Variants in PLEKHG7 observed in about 807,000 individuals in gnomAD.
The protein encoded by PLEKHG7 is pleckstrin homology domain-containing family G member 7.
PLEKHG7 carries 77 observed loss-of-function variants against 85.2 expected under a neutral mutation model. The ratio of observed to expected loss-of-function variants is 0.90; its 90% CI spans 0.75 to 1.09. PLEKHG7 has a LOEUF of 1.09. PLEKHG7 is among the 50% of genes least tolerant of loss of function. PLEKHG7 has a pLI of 0.00. For missense variants in PLEKHG7, 777 were observed against 804.3 expected (o/e 0.97, Z 0.41); for synonymous variants, 301 against 302.4 (o/e 1.00, Z 0.05).
chr12:92,754,894 AT>A (rs552027659), intron 11 of PLEKHG7, among the ~76,000 whole-genome samples: 3 of 152,274 alleles, frequency 2.0e-5, no homozygotes, highest in East Asian at 3.9e-4. Flanking sequence ...GCTATACATA[AT>A]TTTTTTCTTT....
chr12:92,741,791 C>G (rs1469747367), intron 9 of PLEKHG7, among the ~76,000 whole-genome samples, 199 bp downstream of exon 9: 1 of 152,222 alleles, frequency 6.6e-6, no homozygotes, highest in Non-Finnish European at 1.5e-5. Context: ...GCCACATCTC[C>G]TGTGTGGGTT....
In PLEKHG7 at chr12:92,744,182, G is replaced by A. The variant is rs186949254; in HGVS notation, c.1138-1296G>A. ...GACTGGGTCTGCTTTCTCTACTCAC[G>A]AGTAAGTGTGTTTTCCTTCTCCAAT... On this transcript the variant is annotated intron_variant, in intron 9 of 16. Transcript: ENST00000344636. Among the ~76,000 whole-genome samples, 54 of 152,238 alleles carry A rather than the reference G, an allele frequency of 3.5e-4. 1 individual carries two copies. The East Asian group carries it at 7.1e-3, about 20-fold the overall frequency.
intron 9 of PLEKHG7, among the ~76,000 whole-genome samples, chr12:92,743,636 G>A (rs926871433): frequency 5.3e-5 from 8 of 152,070 alleles, no homozygotes; most frequent in Admixed American, 4.6e-4. Flanking sequence ...CTCAGCTCAT[G>A]GCAACTTCTG....
chr12:92,704,821 T>G (rs1280669116), intron 1 of PLEKHG7, among the ~76,000 whole-genome samples: 2 of 152,160 alleles, frequency 1.3e-5, no homozygotes, highest in Non-Finnish European at 2.9e-5. Context: ...CAAGGGATCC[T>G]CCCGCCTTTG....
At chr12:92,707,569 T>C in intron 2 of PLEKHG7, 81 bp from the exon 3 acceptor site, 1 of 1,563,528 alleles carries the variant, frequency 6.4e-7, no homozygotes. Context: ...GGCTCATTGT[T>C]TCTCCTTTCA....
At chr12:92,747,835 C>A (rs1402883325) in intron 10 of PLEKHG7, among the ~76,000 whole-genome samples, 1 of 152,062 alleles carries the variant, frequency 6.6e-6, no homozygotes, top group East Asian at 1.9e-4. Context: ...TATGTGGGAG[C>A]TAAAAAAGTT....
intron 4 of PLEKHG7, among the ~76,000 whole-genome samples, chr12:92,730,822 G>C (rs1427439101): frequency 6.6e-6 from 1 of 152,172 alleles, no homozygotes; most frequent in East Asian, 1.9e-4. Flanking sequence ...CATCTCACTA[G>C]CTGTTATTTT....
chr12:92,726,400 T>G (rs1260728547), intron 3 of PLEKHG7, among the ~76,000 whole-genome samples: 1 of 152,202 alleles, frequency 6.6e-6, no homozygotes, highest in Admixed American at 6.5e-5. Context: ...ATGCTTTTGT[T>G]GGTAAATCAA....
At chr12:92,762,400 G>A (rs1873062396) in intron 14 of PLEKHG7, among the ~76,000 whole-genome samples, 1 of 152,186 alleles carries the variant, frequency 6.6e-6, no homozygotes, top group African/African-American at 2.4e-5. Context: ...AGCCAAACAT[G>A]TATGTAGCAT....
rs376373503 is a variant in PLEKHG7 at position 92,754,105 on chromosome 12, G to A, written c.1267G>A (p.Glu423Lys). Residue 423 changes from glutamate (E) to lysine (K), a missense_variant, in exon 11 of 17, where the codon GAA (glutamate) becomes AAA (lysine). By Grantham distance (56) the Glu-to-Lys change is moderately conservative. Transcript: ENST00000344636. ...GIYLKWCEQNEQCRRLHVPEL... is the reference protein window; with the variant it reads ...GIYLKWCEQNKQCRRLHVPEL... Reference sequence around the variant, plus strand: ...CCTTCCCCAGTGGTGTGAGCAGAATGAACAATGCAGACGGCTCCACGTGCC... The same window carrying A: ...CCTTCCCCAGTGGTGTGAGCAGAATAAACAATGCAGACGGCTCCACGTGCC... The A allele has an allele frequency of 8.1e-6, 13 of 1,613,678 alleles. No individual in the cohort carries two copies. Among genetic ancestry groups the A allele is most frequent in the African/African-American group, 1.3e-5 (1 of 74,900 alleles).
chr12:92,740,082 GA>G (rs1872304243), intron 7 of PLEKHG7, among the ~76,000 whole-genome samples: 1 of 152,140 alleles, frequency 6.6e-6, no homozygotes, highest in South Asian at 2.1e-4. Flanking sequence ...AATAATACAG[GA>G]ATAGGAATTG....
chr12:92,726,733 C>T lies in PLEKHG7; in HGVS notation c.531-2260C>T, dbSNP rs576389077. On this transcript the variant is annotated intron_variant, in intron 3 of 16. Coordinates refer to ENST00000344636, the MANE Select transcript of PLEKHG7 (RefSeq NM_001377329.1). ...TTATTTTGTGAACATCCTACAGACA[C>T]ATTTCATGAAATGGGCCAAGGGAAA... Among the ~76,000 whole-genome samples the T allele has an allele frequency of 7.2e-5, 11 of 152,148 alleles. No individual in the cohort carries two copies. The East Asian group carries it at 1.7e-3, about 24-fold the overall frequency.
chr12:92,720,450 T>C (rs1235628096), intron 3 of PLEKHG7, among the ~76,000 whole-genome samples: 2 of 151,920 alleles, frequency 1.3e-5, no homozygotes, highest in African/African-American at 2.4e-5. Context: ...CCCAGTCTCC[T>C]GAGTAGCTGG....
Position 92,754,267 on chromosome 12 carries a change from A to T in PLEKHG7, c.1426+3A>T. ...GGAAAAGGTGGAAAAGTCCATCCGT[A>T]AGTCCCTGAGATAAGTGAGCTTAAT... On this transcript the variant is annotated splice_donor_region_variant and intron_variant, in intron 11 of 16. Transcript: ENST00000344636. 1.2e-6 allele frequency: 2 copies of T among 1,613,290 alleles called. No individual in the cohort carries two copies. Among genetic ancestry groups the T allele is most frequent in the Non-Finnish European group, 1.7e-6 (2 of 1,179,500 alleles).
intron 15 of PLEKHG7, among the ~76,000 whole-genome samples, chr12:92,765,629 CAA>C (rs1253858910): frequency 1.3e-4 from 15 of 118,496 alleles, no homozygotes; most frequent in Admixed American, 2.6e-4. Flanking sequence ...AACTCCATCT[CAA>C]AAAAAAAAAA....
intron 7 of PLEKHG7, among the ~76,000 whole-genome samples, chr12:92,739,843 G>A (rs1872296463): frequency 6.6e-6 from 1 of 152,100 alleles, no homozygotes; most frequent in South Asian, 2.1e-4. Flanking sequence ...TAAATGCTTG[G>A]ATATTGACAA....
At chr12:92,764,592 C>T (rs151305390) in intron 15 of PLEKHG7, among the ~76,000 whole-genome samples, 65 of 151,898 alleles carry the variant, frequency 4.3e-4, no homozygotes, top group East Asian at 3.3e-3. Flanking sequence ...CATAACCAGA[C>T]GTGCAAGAGT....
chr12:92,724,266 A>G (rs564883359), intron 3 of PLEKHG7, among the ~76,000 whole-genome samples: 1 of 152,328 alleles, frequency 6.6e-6, no homozygotes, highest in Admixed American at 6.5e-5. Context: ...AGGTAGAATT[A>G]TGTTTCTCAT....
At chr12:92,727,971 TATATACAC>T (rs1871871157) in intron 3 of PLEKHG7, among the ~76,000 whole-genome samples, 2 of 148,480 alleles carry the variant, frequency 1.3e-5, no homozygotes, top group African/African-American at 5.0e-5. Context: ...TGTATATATA[TATATACAC>T]ATATATACAC....
Sources: gnomAD v4.1 joint callset for allele counts (sites outside exome capture counted in the v4.1 genomes callset) on GRCh38, gnomAD v4.1.1 for gene constraint, MANE v1.5 for transcripts, NCBI Gene and HGNC (gene_info 2026-07-23, HGNC 2026-07-21) for gene names.